The following SHROOM2 variants were observed in gnomAD, a reference collection of about 807,000 sequenced individuals.
SHROOM2 encodes protein Shroom2.
Under a neutral mutation model 75.9 loss-of-function variants are expected in SHROOM2, and 33 were observed. The ratio of observed to expected loss-of-function variants is 0.43; its 90% CI spans 0.33 to 0.58. The LOEUF is 0.58. Ranked by LOEUF, SHROOM2 falls within the 20% of genes least tolerant of loss-of-function variation. The pLI is 0.04. For missense variants in SHROOM2, 1,434 were observed against 1,461.2 expected (o/e 0.98, Z 0.30); for synonymous variants, 655 against 663.6 (o/e 0.99, Z 0.20).
At chrX:9,871,214 T>C (rs2084169363) in intron 1 of SHROOM2, among the ~76,000 whole-genome samples, 1 of 111,980 alleles carries the variant, frequency 8.9e-6, no homozygotes, top group African/African-American at 3.2e-5. Context: ...GCAATAGAAA[T>C]AAGCAAAGTC....
At chrX:9,875,757 T>C (rs2084197656) in intron 2 of SHROOM2, among the ~76,000 whole-genome samples, 1 of 113,099 alleles carries the variant, frequency 8.8e-6, no homozygotes, top group African/African-American at 3.2e-5. Context: ...TTTGTTTGTT[T>C]GTATTCTCTG....
Position 9,932,491 on chromosome X carries a change from C to T in SHROOM2, c.3208C>T (p.Arg1070Cys), listed in dbSNP as rs779191319. Residue 1070 changes from arginine (R) to cysteine (C), a missense_variant, in exon 6 of 10, where the codon CGC (arginine) becomes TGC (cysteine). By Grantham distance (180) the Arg-to-Cys change is radical. Transcript: ENST00000380913. ...PAPQRPPPPK[R>C]EPRRYRATDG... Reference sequence around the variant, plus strand: ...CCCACAGAGGCCACCGCCACCCAAGCGCGAGCCCAGGAGATACAGGGCCAC... The same window carrying T: ...CCCACAGAGGCCACCGCCACCCAAGTGCGAGCCCAGGAGATACAGGGCCAC... 1.7e-6 allele frequency: 2 copies of T among 1,206,851 alleles called. No individual in the cohort carries two copies. The highest frequency in any genetic ancestry group is 1.7e-5 in the African/African-American group (1 of 57,311).
At chrX:9,838,057 GT>G (rs573554791) in intron 1 of SHROOM2, among the ~76,000 whole-genome samples, 5,303 of 75,595 alleles carry the variant, frequency 0.07, 77 homozygotes, top group African/African-American at 0.13. Flanking sequence ...TGTGTGTGTG[GT>G]TTTTTTTTTT....
chrX:9,934,336 A>C (rs2238886), intron 6 of SHROOM2, among the ~76,000 whole-genome samples: 28,826 of 110,284 alleles, frequency 0.26, 3,016 homozygotes, highest in Middle Eastern at 0.35. Context: ...GCTTCTAAAT[A>C]ACTCAGCAGA....
intron 5 of SHROOM2, among the ~76,000 whole-genome samples, chrX:9,916,096 AT>A (rs2084488474): frequency 8.9e-6 from 1 of 112,195 alleles, no homozygotes; most frequent in Admixed American, 9.5e-5. Flanking sequence ...AACATTTCCT[AT>A]TTTAAAAATC....
At chrX:9,832,112 G>A (rs1350593307) in intron 1 of SHROOM2, among the ~76,000 whole-genome samples, 1 of 112,164 alleles carries the variant, frequency 8.9e-6, no homozygotes, top group Non-Finnish European at 1.9e-5. Flanking sequence ...CTTCTTTCGT[G>A]TGTTCTCTTT....
chrX:9,932,367 A>C lies in SHROOM2; in HGVS notation c.3084A>C (p.Ala1028=), dbSNP rs1463315696. ...GATACTCGGAGGAGAGCACCCCAGC[A>C]GACTTGGGACCCCGAGCCCAGAGCC... ...DYRYSEESTP[A]DLGPRAQSPG... The change falls in exon 6 of 10, where the codon GCA becomes GCC. Residue 1028 remains alanine (A), a synonymous_variant. Coordinates refer to ENST00000380913, the MANE Select transcript of SHROOM2 (RefSeq NM_001649.4). 2.5e-6 allele frequency: 3 copies of C among 1,207,974 alleles called. No homozygotes were observed. The African/African-American group carries it at 5.3e-5, about 21-fold the overall frequency.
At chrX:9,939,094 C>A in intron 7 of SHROOM2, 101 bp from the exon 8 acceptor site, 1 of 702,528 alleles carries the variant, frequency 1.4e-6, no homozygotes, top group Non-Finnish European at 2.0e-6. Context: ...GGTGTCCTTT[C>A]GTGAGCACCA....
chrX:9,855,393 C>T (rs1429481095), intron 1 of SHROOM2, among the ~76,000 whole-genome samples: 2 of 104,464 alleles, frequency 1.9e-5, no homozygotes, highest in Non-Finnish European at 3.9e-5. Context: ...TTGTGTTATG[C>T]ATTTTAGCTC....
chrX:9,894,674 G>A lies in SHROOM2; in HGVS notation c.766G>A (p.Gly256Ser), dbSNP rs780615727. Residue 256 changes from glycine to serine, a missense_variant, in exon 4 of 10, where the codon GGC becomes AGC. Physicochemically the swap from Gly to Ser is moderately conservative, Grantham distance 56 (BLOSUM62 0). Transcript: ENST00000380913. ...RQGGRQAQAA[G>S]DPQGSEEKLS... Reference sequence around the variant, plus strand: ...GGGTGGCCGGCAGGCCCAGGCCGCAGGCGACCCTCAGGGCTCGGAGGAGAA... The same window carrying A: ...GGGTGGCCGGCAGGCCCAGGCCGCAAGCGACCCTCAGGGCTCGGAGGAGAA... 2 of 1,210,805 alleles carry A rather than the reference G, an allele frequency of 1.7e-6. No individual in the cohort carries two copies. The highest frequency in any genetic ancestry group is 2.2e-5 in the Admixed American group (1 of 45,999).
intron 5 of SHROOM2, among the ~76,000 whole-genome samples, chrX:9,914,238 G>A (rs773836712): frequency 6.4e-5 from 7 of 108,925 alleles, no homozygotes; most frequent in Admixed American, 2.0e-4. Flanking sequence ...TATAGGCTGC[G>A]GAAGGCTCTA....
intron 1 of SHROOM2, among the ~76,000 whole-genome samples, chrX:9,823,014 TCTCCTTCTCCTTCTCCTC>T (rs2083862114): frequency 1.6e-5 from 1 of 63,476 alleles, no homozygotes; most frequent in African/African-American, 7.4e-5. Flanking sequence ...TTCTTCTTCT[TCTCCTTCTCCTTCTCCTC>T]CTCCTCCTCC....
At chrX:9,877,002 ACTC>A (rs2146799268) in intron 2 of SHROOM2, among the ~76,000 whole-genome samples, 1 of 110,926 alleles carries the variant, frequency 9.0e-6, no homozygotes, top group African/African-American at 3.3e-5. Flanking sequence ...TCACGGATAA[ACTC>A]CCCTCCCTGT....
chrX:9,896,738 C>G, intron 4 of SHROOM2, 40 bp downstream of exon 4: 1 of 1,117,867 alleles, frequency 8.9e-7, no homozygotes, highest in Non-Finnish European at 1.2e-6. Flanking sequence ...ATCATCTTAA[C>G]CCAAGGACAG....
At chrX:9,914,516 C>T (rs958076012) in intron 5 of SHROOM2, among the ~76,000 whole-genome samples, 1 of 110,999 alleles carries the variant, frequency 9.0e-6, no homozygotes, top group Non-Finnish European at 1.9e-5. Context: ...CCCCTGTCCT[C>T]GGGCACTGAT....
In SHROOM2 at chrX:9,792,063, AT is replaced by A. The variant is rs1569132977; in HGVS notation, c.165+5354del. Among the ~76,000 whole-genome samples the A allele has an allele frequency of 8.7e-3, 145 of 16,616 alleles. 8 individuals are homozygous for A. The highest frequency in any genetic ancestry group is 0.016 in the African/African-American group (66 of 4,098). The allele number at this position is 16,616 out of a possible 115,157, so 14.4% of individuals were successfully genotyped here. A position where few individuals can be genotyped will look rare whatever the true frequency, so the allele number is the denominator to read the frequency against. ...ATAGAATAGAATAGAATAGAATAGA[AT>A]AGAATAGAATAGAATAGAATAGAAT... On this transcript the variant is annotated intron_variant, in intron 1 of 9. Transcript: ENST00000380913.
intron 5 of SHROOM2, among the ~76,000 whole-genome samples, chrX:9,905,879 C>A (rs973472142): frequency 7.2e-5 from 8 of 111,417 alleles, no homozygotes; most frequent in African/African-American, 2.6e-4. Context: ...ATCAGGGTAC[C>A]GTGCCAGCAG....
intron 1 of SHROOM2, among the ~76,000 whole-genome samples, chrX:9,814,388 T>C (rs1269868282): frequency 9.0e-6 from 1 of 111,637 alleles, no homozygotes; most frequent in Non-Finnish European, 1.9e-5. Flanking sequence ...TAATATCTAT[T>C]CCCATGCCTG....
At chrX:9,874,399 G>A (rs974995402) in intron 2 of SHROOM2, among the ~76,000 whole-genome samples, 1 of 112,069 alleles carries the variant, frequency 8.9e-6, no homozygotes, top group Non-Finnish European at 1.9e-5. Context: ...GTGATATGTC[G>A]CTTTCAAAGA....
Sources: allele counts gnomAD v4.1 joint callset (sites outside exome capture counted in the v4.1 genomes callset), GRCh38; gene constraint gnomAD v4.1.1; transcripts MANE v1.5; gene names NCBI Gene and HGNC (gene_info 2026-07-23, HGNC 2026-07-21).